LIPC: variants seen among roughly 807,000 people sequenced by gnomAD.
The protein encoded by LIPC is hepatic triacylglycerol lipase.
LIPC carries 44 observed loss-of-function variants against 50.7 expected under a neutral mutation model. The ratio of observed to expected loss-of-function variants is 0.87; its 90% CI spans 0.68 to 1.11. LIPC has a LOEUF of 1.11. LIPC is among the 50% of genes most tolerant of loss of function. The pLI is 0.00. For missense variants in LIPC, 697 were observed against 648.2 expected (o/e 1.08, Z -0.82); for synonymous variants, 271 against 256.4 (o/e 1.06, Z -0.54).
rs549531876 is a variant in LIPC, at chr15:58,566,448, A to G, written c.1389-2268A>G. 3.2e-4 allele frequency: 319 copies of G among 985,238 alleles called. 1 individual carries two copies. The highest frequency in any genetic ancestry group is 3.1e-3 in the South Asian group (65 of 21,286). 61.0% of individuals were successfully genotyped at this position (985,238 alleles called of 1,614,324 possible). A position where few individuals can be genotyped will look rare whatever the true frequency, so the allele number is the denominator to read the frequency against. ...AGTTGTTTAGTGATAAACGAGAATC[A>G]TAATATACATTTCATGAGACTAATA... is the stretch of plus-strand genomic sequence containing the variant. On this transcript the variant is annotated intron_variant, in intron 8 of 8. Coordinates refer to ENST00000299022, the MANE Select transcript of LIPC (RefSeq NM_000236.3).
chr15:58,480,581 G>C (rs1891153066), intron 1 of LIPC, among the ~76,000 whole-genome samples: 1 of 152,222 alleles, frequency 6.6e-6, no homozygotes, highest in African/African-American at 2.4e-5. Flanking sequence ...ACAGGTGTGA[G>C]CCACTGTGCC....
Position 58,538,501 on chromosome 15 carries a change from T to C in LIPC, c.257T>C (p.Ile86Thr), listed in dbSNP as rs1329202328. The C allele has an allele frequency of 1.9e-6, 3 of 1,614,062 alleles. No homozygotes were observed. The highest frequency in any genetic ancestry group is 1.7e-5 in the Admixed American group (1 of 59,998). ...GFNSSLPLVM[I>T]IHGWSVDGVL... Reference sequence around the variant, plus strand: ...AACTCCTCCCTGCCTCTGGTGATGATAATCCACGGGTGGTCGGTAGGAAAT... The same window carrying C: ...AACTCCTCCCTGCCTCTGGTGATGACAATCCACGGGTGGTCGGTAGGAAAT... Residue 86 changes from isoleucine (I) to threonine (T), a missense_variant, in exon 2 of 9, where the codon ATA becomes ACA. Physicochemically the swap from Ile to Thr is moderately conservative, Grantham distance 89. Coordinates refer to ENST00000299022, the MANE Select transcript of LIPC (RefSeq NM_000236.3).
At chr15:58,520,245 A>G (rs1892615538) in intron 1 of LIPC, among the ~76,000 whole-genome samples, 1 of 151,940 alleles carries the variant, frequency 6.6e-6, no homozygotes, top group Admixed American at 6.6e-5. Flanking sequence ...ACCTAAAAGC[A>G]ATTTTGTTTG....
chr15:58,460,963 AT>A (rs1235742421), intron 1 of LIPC, among the ~76,000 whole-genome samples: 2 of 152,180 alleles, frequency 1.3e-5, no homozygotes, highest in Non-Finnish European at 2.9e-5. Flanking sequence ...CGAACATGGC[AT>A]GTAAGAGGGG....
At chr15:58,438,973 G>A (rs1893409665) in intron 1 of LIPC, among the ~76,000 whole-genome samples, 1 of 152,254 alleles carries the variant, frequency 6.6e-6, no homozygotes, top group Non-Finnish European at 1.5e-5. Context: ...TGGAATGCAA[G>A]CGGAGGCCTC....
chr15:58,447,877 T>G (rs1893756106), intron 1 of LIPC, among the ~76,000 whole-genome samples: 1 of 152,184 alleles, frequency 6.6e-6, no homozygotes, highest in Non-Finnish European at 1.5e-5. Flanking sequence ...CAGCTAAATA[T>G]AAGGCAGTGT....
intron 1 of LIPC, among the ~76,000 whole-genome samples, chr15:58,433,965 C>A (rs779061492): frequency 5.3e-5 from 8 of 152,184 alleles, no homozygotes; most frequent in Non-Finnish European, 1.2e-4. Flanking sequence ...GCAGGGAAGC[C>A]GGTGTCCTGT....
intron 1 of LIPC, among the ~76,000 whole-genome samples, chr15:58,475,999 G>T (rs1272668032): frequency 6.6e-6 from 1 of 152,262 alleles, no homozygotes; most frequent in Non-Finnish European, 1.5e-5. Flanking sequence ...AAAAGTGACA[G>T]ATCATTTACG....
chr15:58,438,442 G>A (rs1289798262), intron 1 of LIPC, among the ~76,000 whole-genome samples: 2 of 152,056 alleles, frequency 1.3e-5, no homozygotes, highest in African/African-American at 4.8e-5. Context: ...GCTCTCAGCT[G>A]GGAAATGGGG....
intron 1 of LIPC, among the ~76,000 whole-genome samples, chr15:58,516,727 C>A (rs1349378325): frequency 2.6e-5 from 4 of 152,108 alleles, no homozygotes; most frequent in Admixed American, 2.0e-4. Flanking sequence ...TTTTCTTCTA[C>A]CATCTTGAAT....
chr15:58,469,808 G>T (rs1222761430), intron 1 of LIPC, among the ~76,000 whole-genome samples: 3 of 152,178 alleles, frequency 2.0e-5, no homozygotes, highest in Non-Finnish European at 4.4e-5. Flanking sequence ...TGCAAGAAAG[G>T]AATGGAACAA....
At chr15:58,437,763 G>A (rs1263167687) in intron 1 of LIPC, among the ~76,000 whole-genome samples, 2 of 152,168 alleles carry the variant, frequency 1.3e-5, no homozygotes, top group Non-Finnish European at 2.9e-5. Context: ...GATAGAGTCC[G>A]GAGATGAAAC....
chr15:58,497,064 T>C (rs1891798452), intron 1 of LIPC, among the ~76,000 whole-genome samples: 3 of 152,334 alleles, frequency 2.0e-5, no homozygotes, highest in South Asian at 4.1e-4. Context: ...AAGTAACTGG[T>C]TCCTTGGAGG....
At chr15:58,499,597 TGATCCCAGTG>T (rs1891901211) in intron 1 of LIPC, among the ~76,000 whole-genome samples, 1 of 152,170 alleles carries the variant, frequency 6.6e-6, no homozygotes, top group African/African-American at 2.4e-5. Flanking sequence ...CCCTATAAGT[TGATCCCAGTG>T]GATCAACTCT....
chr15:58,560,717 T>C (rs1387458443), intron 6 of LIPC, 147 bp from the exon 7 acceptor site: 4 of 596,394 alleles, frequency 6.7e-6, no homozygotes, highest in Middle Eastern at 4.6e-4. Flanking sequence ...TAAACCACCA[T>C]TTAGGAGCAA....
intron 1 of LIPC, among the ~76,000 whole-genome samples, chr15:58,453,667 G>A (rs1225447714): frequency 5.9e-5 from 9 of 151,970 alleles, no homozygotes; most frequent in African/African-American, 9.7e-5. Flanking sequence ...TTGGGAGGCC[G>A]AGGCAGGTGG....
chr15:58,491,955 G>A (rs1434615251), intron 1 of LIPC, among the ~76,000 whole-genome samples: 1 of 152,208 alleles, frequency 6.6e-6, no homozygotes, highest in African/African-American at 2.4e-5. Context: ...ATGACCTGGA[G>A]CAGGGGGTCC....
At chr15:58,437,163 T>G (rs1265448147) in intron 1 of LIPC, among the ~76,000 whole-genome samples, 1 of 152,164 alleles carries the variant, frequency 6.6e-6, no homozygotes, top group Non-Finnish European at 1.5e-5. Context: ...GCACTCACAG[T>G]TTAACACCAG....
chr15:58,545,043 A>G (rs1232285456), intron 4 of LIPC, among the ~76,000 whole-genome samples: 1 of 152,178 alleles, frequency 6.6e-6, no homozygotes, highest in East Asian at 1.9e-4. Context: ...ATCTTAGGAG[A>G]AAAATCAGCT....
Sources: gnomAD v4.1 joint callset for allele counts (sites outside exome capture counted in the v4.1 genomes callset) on GRCh38, gnomAD v4.1.1 for gene constraint, MANE v1.5 for transcripts, NCBI Gene and HGNC (gene_info 2026-07-23, HGNC 2026-07-21) for gene names.